The following DNM3 variants were observed in gnomAD, a reference collection of about 807,000 sequenced individuals.
DNM3 encodes dynamin 3.
Under a neutral mutation model 101.6 loss-of-function variants are expected in DNM3, and 47 were observed. That is an observed-to-expected ratio of 0.46 (90% CI 0.37 to 0.59). The LOEUF is 0.59. DNM3 is among the 20% of genes least tolerant of loss of function. The pLI is 0.00. For missense variants in DNM3, 849 were observed against 1,085.7 expected, an observed-to-expected ratio of 0.78 and a Z score of 3.06; for synonymous variants, 385 against 387.9, an observed-to-expected ratio of 0.99 and a Z score of 0.09.
downstream of DNM3, among the ~76,000 whole-genome samples, chr1:172,414,122 G>A (rs1277926000): frequency 6.6e-6 from 1 of 152,064 alleles, no homozygotes; most frequent in Admixed American, 6.5e-5. Context: ...TTTTCTGATG[G>A]GACCTTTAAA....
chr1:172,403,381 T>G (rs1406536013), intron 20 of DNM3, among the ~76,000 whole-genome samples: 1 of 152,122 alleles, frequency 6.6e-6, no homozygotes, highest in African/African-American at 2.4e-5. Flanking sequence ...CAGTTTGCCC[T>G]TATTGAGGTC....
intron 17 of DNM3, among the ~76,000 whole-genome samples, chr1:172,335,630 G>A (rs1301906558): frequency 1.3e-5 from 2 of 152,132 alleles, no homozygotes; most frequent in Non-Finnish European, 2.9e-5. Flanking sequence ...GTGACATCAT[G>A]TCCTTTGCAG....
chr1:171,884,802 A>G (rs1304500644), intron 1 of DNM3, among the ~76,000 whole-genome samples: 2 of 152,208 alleles, frequency 1.3e-5, no homozygotes, highest in Non-Finnish European at 2.9e-5. Flanking sequence ...AAGAACTTTC[A>G]AATTTCTGCT....
intron 8 of DNM3, 45 bp downstream of exon 8, chr1:172,042,189 A>C (rs762562522): frequency 6.5e-7 from 1 of 1,540,110 alleles, no homozygotes; most frequent in South Asian, 1.3e-5. Flanking sequence ...CTTCACTTCC[A>C]TATTCTGTTT....
At chr1:172,347,454 G>T (rs892966220) in intron 17 of DNM3, among the ~76,000 whole-genome samples, 1 of 152,022 alleles carries the variant, frequency 6.6e-6, no homozygotes, top group Admixed American at 6.6e-5. Flanking sequence ...AAATAAAGAG[G>T]CTTTAAGTAT....
chr1:172,225,878 C>T (rs2061099446), intron 14 of DNM3, among the ~76,000 whole-genome samples: 1 of 151,562 alleles, frequency 6.6e-6, no homozygotes, highest in Admixed American at 6.6e-5. Flanking sequence ...ATATTATATA[C>T]ATAAATAGAA....
intron 1 of DNM3, among the ~76,000 whole-genome samples, chr1:171,866,637 T>C (rs192830543): frequency 6.6e-6 from 1 of 152,338 alleles, no homozygotes; most frequent in East Asian, 1.9e-4. Flanking sequence ...TATAAAGCTT[T>C]CCTAATTTTC....
intron 2 of DNM3, among the ~76,000 whole-genome samples, chr1:171,968,519 C>T (rs567931417): frequency 1.3e-5 from 2 of 152,152 alleles, no homozygotes; most frequent in Non-Finnish European, 2.9e-5. Context: ...GAGGGGACTT[C>T]ATTATCATGC....
intron 10 of DNM3, among the ~76,000 whole-genome samples, chr1:172,067,137 T>C (rs2051745605): frequency 6.6e-6 from 1 of 152,232 alleles, no homozygotes; most frequent in African/African-American, 2.4e-5. Flanking sequence ...TTTGCCAATA[T>C]AATAGTTATT....
chr1:171,983,718 G>T (rs999792158), intron 2 of DNM3, among the ~76,000 whole-genome samples: 1 of 152,088 alleles, frequency 6.6e-6, no homozygotes, highest in African/African-American at 2.4e-5. Flanking sequence ...ATATCTAGCC[G>T]TGAAGATATT....
At chr1:171,869,228 C>T (rs1257607616) in intron 1 of DNM3, among the ~76,000 whole-genome samples, 1 of 152,116 alleles carries the variant, frequency 6.6e-6, no homozygotes, top group Non-Finnish European at 1.5e-5. Context: ...TTGCTTTCCA[C>T]TCTGAATTAA....
At chr1:172,003,725 A>C (rs1170039180) in intron 4 of DNM3, among the ~76,000 whole-genome samples, 3 of 71,680 alleles carry the variant, frequency 4.2e-5, no homozygotes, top group Admixed American at 1.3e-4. Context: ...GTATTTGAAT[A>C]ATTTATTGCC....
chr1:172,161,591 G>T (rs74126021), intron 14 of DNM3, among the ~76,000 whole-genome samples: 1 of 151,844 alleles, frequency 6.6e-6, no homozygotes, highest in Non-Finnish European at 1.5e-5. Context: ...TTTGAGAGGG[G>T]TACCACAAAT....
intron 1 of DNM3, among the ~76,000 whole-genome samples, chr1:171,889,159 T>C (rs2037039564): frequency 6.6e-6 from 1 of 152,180 alleles, no homozygotes; most frequent in South Asian, 2.1e-4. Context: ...TTTTTGTTTT[T>C]GTAGAGACAG....
intron 5 of DNM3, 150 bp downstream of exon 5, chr1:172,032,650 T>C (rs771681057): frequency 1.6e-5 from 8 of 494,314 alleles, no homozygotes; most frequent in Non-Finnish European, 2.5e-5. Flanking sequence ...AGTTATACTT[T>C]TCTGGAATGG....
intron 1 of DNM3, among the ~76,000 whole-genome samples, chr1:171,869,728 T>A (rs2035099704): frequency 6.6e-6 from 1 of 152,234 alleles, no homozygotes; most frequent in Admixed American, 6.5e-5. Context: ...TGCCTTATTG[T>A]TATTGTTTGA....
chr1:172,233,999 C>G (rs2061439096), intron 14 of DNM3, among the ~76,000 whole-genome samples: 1 of 152,098 alleles, frequency 6.6e-6, no homozygotes, highest in African/African-American at 2.4e-5. Flanking sequence ...GATGCCCTCT[C>G]TCACCACTCC....
At chr1:171,906,963 T>A (rs973525979) in intron 1 of DNM3, among the ~76,000 whole-genome samples, 1 of 152,224 alleles carries the variant, frequency 6.6e-6, no homozygotes. Flanking sequence ...CAAGTCTTTT[T>A]GGAAACAAAA....
chr1:172,281,861 C>T (rs1340548361), intron 15 of DNM3, among the ~76,000 whole-genome samples: 1 of 152,134 alleles, frequency 6.6e-6, no homozygotes, highest in Non-Finnish European at 1.5e-5. Context: ...GATCATTATA[C>T]ATTGAATACT....
Sources: allele counts gnomAD v4.1 joint callset (sites outside exome capture counted in the v4.1 genomes callset), GRCh38; gene constraint gnomAD v4.1.1; transcripts MANE v1.5; gene names NCBI Gene and HGNC (gene_info 2026-07-23, HGNC 2026-07-21).